Variants in MAST4 observed in about 807,000 individuals in gnomAD.
MAST4 encodes the protein microtubule associated serine/threonine kinase family member 4.
A neutral mutation model predicts 162.7 loss-of-function variants in MAST4; 89 were observed. That is an observed-to-expected ratio of 0.55 (90% CI 0.46 to 0.65). The LOEUF is 0.65. Among genes scored for constraint, MAST4 ranks in the 30% least tolerant of loss-of-function variants. MAST4 has a pLI of 0.00. For synonymous variants in MAST4, 1,479 were observed against 1,361.1 expected (o/e 1.09, Z -1.91); for missense variants, 3,153 against 3,374.0 (o/e 0.93, Z 1.62).
intron 2 of MAST4, among the ~76,000 whole-genome samples, chr5:66,782,766 T>C (rs1309882087): frequency 3.9e-5 from 6 of 152,202 alleles, no homozygotes; most frequent in African/African-American, 1.2e-4. Flanking sequence ...TCACCTCTCA[T>C]ACAACAAATT....
intron 1 of MAST4, among the ~76,000 whole-genome samples, chr5:66,706,018 C>G (rs1750103346): frequency 1.3e-5 from 2 of 152,076 alleles, no homozygotes; most frequent in Admixed American, 6.6e-5. Flanking sequence ...GCCAGTGGCC[C>G]TAGCAGGTTC....
chr5:66,623,468 G>A (rs1744206847), intron 1 of MAST4, among the ~76,000 whole-genome samples: 1 of 152,210 alleles, frequency 6.6e-6, no homozygotes, highest in African/African-American at 2.4e-5. Context: ...TTATCCCTGG[G>A]ATGCAAGGAT....
At chr5:66,768,470 T>C (rs1754209807) in intron 2 of MAST4, among the ~76,000 whole-genome samples, 1 of 152,212 alleles carries the variant, frequency 6.6e-6, no homozygotes, top group Admixed American at 6.5e-5. Context: ...AAGGAACAAC[T>C]GTTGATACAT....
intron 1 of MAST4, among the ~76,000 whole-genome samples, chr5:66,681,072 T>G (rs1465343749): frequency 6.6e-6 from 1 of 152,196 alleles, no homozygotes; most frequent in Non-Finnish European, 1.5e-5. Context: ...CAGCTTCACA[T>G]TACCTCTCAT....
At chr5:66,894,497 G>A (rs538149125) in intron 3 of MAST4, among the ~76,000 whole-genome samples, 1 of 152,226 alleles carries the variant, frequency 6.6e-6, no homozygotes, top group African/African-American at 2.4e-5. Context: ...AATGTGTTTT[G>A]TTTTTCCTCA....
chr5:66,775,284 C>T (rs1754549419), intron 2 of MAST4, among the ~76,000 whole-genome samples: 1 of 151,852 alleles, frequency 6.6e-6, no homozygotes, highest in African/African-American at 2.4e-5. Flanking sequence ...TTGGAGCAAC[C>T]AAAAGACTAC....
At chr5:66,720,602 C>T (rs1288745648) in intron 1 of MAST4, among the ~76,000 whole-genome samples, 1 of 151,964 alleles carries the variant, frequency 6.6e-6, no homozygotes, top group Non-Finnish European at 1.5e-5. Flanking sequence ...TTTTTCTCTT[C>T]CTTGATGAGC....
chr5:66,635,029 C>T (rs1745019585), intron 1 of MAST4, among the ~76,000 whole-genome samples: 1 of 152,206 alleles, frequency 6.6e-6, no homozygotes. Flanking sequence ...AGCTTTGGGC[C>T]TTCCTTCACA....
Position 67,142,653 on chromosome 5 carries a change from A to G in MAST4, c.2730+120A>G, listed in dbSNP as rs961139416. 4.2e-5 allele frequency: 28 copies of G among 671,858 alleles called. No homozygotes were observed. In the Admixed American group the frequency reaches 7.8e-4, roughly 19 times the overall value. The allele number at this position is 671,858 out of a possible 1,614,324, so 41.6% of individuals were successfully genotyped here. On this transcript the variant is annotated intron_variant, in intron 21 of 28. Coordinates refer to ENST00000403625, the MANE Select transcript of MAST4 (RefSeq NM_001164664.2). ...CCAGGGTTTGAGGTCTCCTATGCTTAAACTTCCTTTTGTTGAAGAAAAGTG... is the reference window on the plus strand; with the variant it reads ...CCAGGGTTTGAGGTCTCCTATGCTTGAACTTCCTTTTGTTGAAGAAAAGTG...
chr5:67,010,979 TCAGCCCTC>T (rs1752600499), intron 4 of MAST4, among the ~76,000 whole-genome samples: 1 of 152,184 alleles, frequency 6.6e-6, no homozygotes, highest in South Asian at 2.1e-4. Flanking sequence ...GGCTGGCCCG[TCAGCCCTC>T]CTCCCTGAAT....
At chr5:67,146,034 A>G (rs1771041525) in intron 23 of MAST4, among the ~76,000 whole-genome samples, 2 of 152,218 alleles carry the variant, frequency 1.3e-5, no homozygotes, top group Admixed American at 1.3e-4. Context: ...CATGATTTAA[A>G]TTGATAGTTT....
At chr5:67,018,461 G>A (rs1753582907) in intron 4 of MAST4, among the ~76,000 whole-genome samples, 1 of 152,086 alleles carries the variant, frequency 6.6e-6, no homozygotes, top group African/African-American at 2.4e-5. Flanking sequence ...GCTGCAGTGA[G>A]CAATGGTCGT....
chr5:66,618,079 C>T (rs1743830409), intron 1 of MAST4, among the ~76,000 whole-genome samples: 1 of 152,032 alleles, frequency 6.6e-6, no homozygotes, highest in African/African-American at 2.4e-5. Flanking sequence ...AAAGGCCTGC[C>T]AGGTGGTTCT....
intron 3 of MAST4, among the ~76,000 whole-genome samples, chr5:66,847,137 G>GGTTTT: frequency 6.6e-6 from 1 of 152,298 alleles, no homozygotes; most frequent in African/African-American, 2.4e-5. Flanking sequence ...ATGAAAAGTA[G>GGTTTT]GGCCAAAAGA....
At chr5:66,699,894 TTC>T (rs1444720099) in intron 1 of MAST4, among the ~76,000 whole-genome samples, 1 of 152,082 alleles carries the variant, frequency 6.6e-6, no homozygotes, top group Non-Finnish European at 1.5e-5. Flanking sequence ...AACGTGCATA[TTC>T]TGCACATATA....
chr5:66,678,820 C>T (rs1253591618), intron 1 of MAST4, among the ~76,000 whole-genome samples: 1 of 148,646 alleles, frequency 6.7e-6, no homozygotes, highest in Admixed American at 6.7e-5. Context: ...GAGACGGAGG[C>T]TCACTCTGTC....
intron 1 of MAST4, among the ~76,000 whole-genome samples, chr5:66,662,180 AGT>A (rs1476598364): frequency 6.6e-6 from 1 of 151,998 alleles, no homozygotes; most frequent in African/African-American, 2.4e-5. Context: ...TGAAATATAG[AGT>A]GTTGAGTGAA....
chr5:67,048,944 C>T (rs1412602826), intron 4 of MAST4, among the ~76,000 whole-genome samples: 1 of 147,192 alleles, frequency 6.8e-6, no homozygotes, highest in Non-Finnish European at 1.5e-5. Context: ...TGGAAGCACA[C>T]ACATATAGTG....
chr5:66,779,220 T>G (rs1005179041), intron 2 of MAST4, among the ~76,000 whole-genome samples: 3 of 152,218 alleles, frequency 2.0e-5, no homozygotes, highest in African/African-American at 2.4e-5. Flanking sequence ...TGATGCCCTC[T>G]TGGCATCACC....
Sources: allele counts gnomAD v4.1 joint callset (sites outside exome capture counted in the v4.1 genomes callset), GRCh38; gene constraint gnomAD v4.1.1; transcripts MANE v1.5; gene names NCBI Gene and HGNC (gene_info 2026-07-23, HGNC 2026-07-21).